The following TTC16 variants were observed in gnomAD, a reference collection of about 807,000 sequenced individuals.
TTC16 encodes the protein tetratricopeptide repeat protein 16.
In TTC16, 66 loss-of-function variants were observed where a neutral mutation model predicts 80.4. The observed-to-expected ratio is 0.82, with a 90% CI of 0.67 to 1.01. TTC16 has a LOEUF of 1.01. Among genes scored for constraint, TTC16 ranks in the 50% least tolerant of loss-of-function variants. The probability of loss-of-function intolerance (pLI) is 0.00; values close to 1 mark genes in which losing one functional copy is unlikely to be tolerated. For missense variants in TTC16, 1,070 were observed against 1,103.2 expected, an observed-to-expected ratio of 0.97 and a Z score of 0.43; for synonymous variants, 438 against 451.3, an observed-to-expected ratio of 0.97 and a Z score of 0.37.
chr9:127,726,439 G>C, intron 10 of TTC16, 35 bp downstream of exon 10: 2 of 1,539,576 alleles, frequency 1.3e-6, no homozygotes, highest in Non-Finnish European at 1.8e-6. Flanking sequence ...GTAGGCTCCG[G>C]AGTCATGCCC....
chr9:127,724,974 C>T, intron 9 of TTC16, 77 bp downstream of exon 9: 2 of 1,418,948 alleles, frequency 1.4e-6, no homozygotes, highest in African/African-American at 1.5e-5. Flanking sequence ...TGCTGGGATC[C>T]CTGGGTCAAT....
rs542530632 is a variant in TTC16 at position 127,731,297 on chromosome 9, C to G, written c.2514C>G (p.Ser838Arg). 2 of 1,613,232 alleles carry G rather than the reference C, an allele frequency of 1.2e-6. No homozygotes were observed. Among genetic ancestry groups the G allele is most frequent in the East Asian group, 4.5e-5 (2 of 44,884 alleles). The change falls in exon 14 of 14, where the codon AGC (serine) becomes AGG (arginine). Residue 838 changes from serine (S) to arginine (R), a missense_variant. Coordinates refer to ENST00000373289, the MANE Select transcript of TTC16 (RefSeq NM_144965.3). Reference protein sequence around the residue: ...SSKAEGAQGKSQGMSSTSSKA... With the variant: ...SSKAEGAQGKRQGMSSTSSKA... ...AGGCTGAGGGTGCCCAGGGCAAGAG[C>G]CAGGGCATGAGCTCAACTTCCAGCA...
At chr9:127,717,950 C>T (rs1843183404) in intron 4 of TTC16, among the ~76,000 whole-genome samples, 178 bp downstream of exon 4, 1 of 152,226 alleles carries the variant, frequency 6.6e-6, no homozygotes, top group Admixed American at 6.5e-5. Flanking sequence ...TCAAGTTTGG[C>T]AGCATTTTCC....
chr9:127,717,236 C>T (rs1270281563), intron 2 of TTC16, 98 bp from the exon 3 acceptor site: 1 of 1,309,006 alleles, frequency 7.6e-7, no homozygotes, highest in Admixed American at 1.9e-5. Flanking sequence ...GCCTCTCCAC[C>T]CAGCTCCCTT....
intron 7 of TTC16, among the ~76,000 whole-genome samples, chr9:127,723,887 A>G (rs944149836): frequency 5.1e-5 from 7 of 137,384 alleles, no homozygotes; most frequent in African/African-American, 1.4e-4. Flanking sequence ...CTGGCTCCCA[A>G]AAAAGAAGGT....
chr9:127,727,535 G>A, intron 12 of TTC16, 70 bp downstream of exon 12: 1 of 1,524,956 alleles, frequency 6.6e-7, no homozygotes, highest in Non-Finnish European at 8.8e-7. Context: ...GCCCAGGGCT[G>A]AAGGATGCAG....
chr9:127,721,665 C>T (rs1172452507), intron 6 of TTC16, among the ~76,000 whole-genome samples: 1 of 152,094 alleles, frequency 6.6e-6, no homozygotes, highest in South Asian at 2.1e-4. Flanking sequence ...GGGCTGCAGC[C>T]TCCCACAAGC....
Position 127,731,135 on chromosome 9 carries a change from ACC to A in TTC16, c.2354_2355del (p.Pro785GlnfsTer4). ...AGGCTGCTCGTGGCCGGAGCTGGAG[ACC>A]CAGCAAGGTTGATGCCACCCAGGGC... ...VKAARGRSWR[P>X]SKVDATQGRS... On this transcript the variant is annotated frameshift_variant, in exon 14 of 14. Coordinates refer to ENST00000373289, the MANE Select transcript of TTC16 (RefSeq NM_144965.3). LOFTEE classifies it low-confidence loss of function (END_TRUNC). The A allele has an allele frequency of 1.2e-6, 2 of 1,611,174 alleles. No homozygotes were observed.
chr9:127,726,457 A>G, intron 10 of TTC16, 53 bp downstream of exon 10: 1 of 1,482,866 alleles, frequency 6.7e-7, no homozygotes, highest in Non-Finnish European at 9.0e-7. Flanking sequence ...CCCGGTGCAT[A>G]AAGATACTCC....
Position 127,724,901 on chromosome 9 carries a change from CGTGGGCTCCCGCCCCCACG to C in TTC16, c.1259+11_1259+29del. ...GCTTCTGCGAGCAGAGGCGCAAGTG[CGTGGGCTCCCGCCCCCACG>C]GTGGGCGGGGCAGGCCCGAGGGCAG... On this transcript the variant is annotated splice_donor_5th_base_variant and intron_variant, in intron 9 of 13. Transcript: ENST00000373289. The C allele has an allele frequency of 2.0e-6, 3 of 1,512,882 alleles. No homozygotes were observed. Among genetic ancestry groups the C allele is most frequent in the Non-Finnish European group, 2.6e-6 (3 of 1,133,924 alleles). The allele number at this position is 1,512,882 out of a possible 1,614,324, so 93.7% of individuals were successfully genotyped here. A position where few individuals can be genotyped will look rare whatever the true frequency, so the allele number is the denominator to read the frequency against.
chr9:127,720,816 TTCTTC>T (rs1843399071), intron 6 of TTC16, among the ~76,000 whole-genome samples: 2 of 22,278 alleles, frequency 9.0e-5, no homozygotes, highest in African/African-American at 3.6e-4. Flanking sequence ...CCCTCCTTCT[TTCTTC>T]CCTCCTGCCT....
intron 12 of TTC16, chr9:127,727,733 T>C (rs183280370): frequency 1.8e-6 from 1 of 542,078 alleles, no homozygotes; most frequent in South Asian, 5.6e-5. Context: ...AATTCTACTG[T>C]AGGCACTAGC....
intron 12 of TTC16, chr9:127,729,337 A>T: frequency 2.1e-6 from 1 of 472,084 alleles, no homozygotes. Context: ...GTTGAAAAAA[A>T]CCAAGGCGCT....
In TTC16 at chr9:127,717,776, C is replaced by G. The variant is rs1294599323; in HGVS notation, c.426+4C>G. ...CACCTTTGTGCTCTACCTACAGGTG[C>G]CTGGGGCCTCCCGGGCCCATGCAGG... is the stretch of plus-strand genomic sequence containing the variant. On this transcript the variant is annotated splice_donor_region_variant and intron_variant, in intron 4 of 13. Coordinates refer to ENST00000373289, the MANE Select transcript of TTC16 (RefSeq NM_144965.3). The G allele has an allele frequency of 6.2e-7, 1 of 1,611,042 alleles. No homozygotes were observed. The highest frequency in any genetic ancestry group is 1.7e-5 in the Admixed American group (1 of 59,652).
chr9:127,723,984 A>T, intron 7 of TTC16, 136 bp from the exon 8 acceptor site: 1 of 1,241,680 alleles, frequency 8.1e-7, no homozygotes, highest in Non-Finnish European at 1.1e-6. Context: ...AAACCTAGCA[A>T]ATGAGGTGGG....
chr9:127,718,637 G>A lies in TTC16; in HGVS notation c.426+865G>A, dbSNP rs1041381590. ...TGAGATGGAGTCTTGCTCTGTCACC[G>A]AGGCTGGAGCGCAATGGCGCAATCT... On this transcript the variant is annotated intron_variant, in intron 4 of 13. Transcript: ENST00000373289. This position sits in a 1 kb window ranked among gnomAD's most constrained non-coding sequence, Gnocchi z 4.6. Among the ~76,000 whole-genome samples the A allele has an allele frequency of 7.3e-5, 11 of 150,728 alleles. No homozygotes were observed. The highest frequency in any genetic ancestry group is 1.0e-4 in the Non-Finnish European group (7 of 67,832).
In TTC16 at chr9:127,725,586, A is replaced by AT. The variant is rs1843887482; in HGVS notation, c.1260-653_1260-652insT. Among the ~76,000 whole-genome samples, 3 of 126,606 alleles carry AT rather than the reference A, an allele frequency of 2.4e-5. No homozygotes were observed. The Admixed American group carries it at 2.4e-4, about 10-fold the overall frequency. 83.1% of individuals were successfully genotyped at this position (126,606 alleles called of 152,430 possible). A position where few individuals can be genotyped will look rare whatever the true frequency, so the allele number is the denominator to read the frequency against. The stretch of plus-strand genomic sequence containing the variant: ...CTCAAAAAAAAAAAAAAAAAAAAAA[A>AT]GCTTCTCTCTCCGTTATGCTTTCCT... On this transcript the variant is annotated intron_variant, in intron 9 of 13. Coordinates refer to ENST00000373289, the MANE Select transcript of TTC16 (RefSeq NM_144965.3).
At chr9:127,723,920 G>T (rs1301725487) in intron 7 of TTC16, among the ~76,000 whole-genome samples, 200 bp from the exon 8 acceptor site, 4 of 139,696 alleles carry the variant, frequency 2.9e-5, no homozygotes, top group Non-Finnish European at 6.2e-5. Flanking sequence ...AAAAAAAAAT[G>T]CTCAGTGCCT....
At chr9:127,724,398 T>A in intron 8 of TTC16, 34 bp downstream of exon 8, 1 of 1,276,468 alleles carries the variant, frequency 7.8e-7, no homozygotes. Context: ...GGAGGGGGGG[T>A]GCGGGGGAGC....
Sources: allele counts gnomAD v4.1 joint callset (sites outside exome capture counted in the v4.1 genomes callset), GRCh38; gene constraint gnomAD v4.1.1; non-coding constraint Gnocchi (gnomAD v3.1); transcripts MANE v1.5; gene names NCBI Gene and HGNC (gene_info 2026-07-23, HGNC 2026-07-21).